BBX: variants seen among roughly 807,000 people sequenced by gnomAD.
The protein encoded by BBX is HMG box transcription factor BBX.
BBX carries 30 observed loss-of-function variants against 100.2 expected under a neutral mutation model. The ratio of observed to expected loss-of-function variants is 0.30; its 90% confidence interval spans 0.22 to 0.41. The LOEUF (loss-of-function observed/expected upper bound fraction) is 0.41, where lower values mean the gene tolerates loss of function less well. Among genes scored for constraint, BBX ranks in the 10% least tolerant of loss-of-function variants. BBX has a pLI of 1.00. For synonymous variants in BBX, 376 were observed against 388.1 expected (o/e 0.97, Z 0.37); for missense variants, 1,023 against 1,129.8 (o/e 0.91, Z 1.35).
chr3:107,705,423 A>G (rs2061336731), intron 3 of BBX, among the ~76,000 whole-genome samples: 1 of 152,220 alleles, frequency 6.6e-6, no homozygotes, highest in South Asian at 2.1e-4. Flanking sequence ...CTGATTGCCT[A>G]AATTGTAAGA....
At chr3:107,531,049 A>G (rs2048126696) in intron 2 of BBX, among the ~76,000 whole-genome samples, 1 of 152,232 alleles carries the variant, frequency 6.6e-6, no homozygotes, top group African/African-American at 2.4e-5. Flanking sequence ...TAGCACATGT[A>G]GCAGGTGATT....
At chr3:107,792,507 A>C (rs760298889) in intron 15 of BBX, among the ~76,000 whole-genome samples, 2 of 152,254 alleles carry the variant, frequency 1.3e-5, no homozygotes, top group South Asian at 4.1e-4. Context: ...CATGTTAAAC[A>C]TAAGTATTTT....
At chr3:107,679,124 A>G (rs184818803) in intron 3 of BBX, among the ~76,000 whole-genome samples, 2 of 150,046 alleles carry the variant, frequency 1.3e-5, no homozygotes, top group East Asian at 3.9e-4. Context: ...TTTCAAAGTC[A>G]TATTTAAGGG....
At chr3:107,705,818 G>A (rs1490715122) in intron 3 of BBX, among the ~76,000 whole-genome samples, 2 of 152,124 alleles carry the variant, frequency 1.3e-5, no homozygotes, top group African/African-American at 4.8e-5. Context: ...GGAAAGATCA[G>A]CACAAGTATT....
At chr3:107,684,764 C>T (rs1199199526) in intron 3 of BBX, 1 of 152,134 alleles carries the variant, frequency 6.6e-6, no homozygotes, top group Non-Finnish European at 1.5e-5. Flanking sequence ...GGAATTTGTT[C>T]AGGAAGAGTA....
rs1298467793 is a variant in BBX, at chr3:107,634,212, G to A, written c.-83-11624G>A. Among the ~76,000 whole-genome samples the A allele has an allele frequency of 5.3e-5, 8 of 152,108 alleles. No individual in the cohort carries two copies. In the East Asian group the frequency reaches 7.7e-4, roughly 15 times the overall value. ...TGTGGGTATGCTTACATGCCACCTC[G>A]TCTTATTACTCTACCATTGGATTTT... On this transcript the variant is annotated intron_variant, in intron 2 of 17. Transcript: ENST00000325805.
At chr3:107,639,712 C>T (rs1036972761) in intron 2 of BBX, among the ~76,000 whole-genome samples, 7 of 152,122 alleles carry the variant, frequency 4.6e-5, no homozygotes, top group African/African-American at 1.7e-4. Flanking sequence ...ACCATGGTCC[C>T]TGCAGCAAAA....
intron 10 of BBX, 114 bp downstream of exon 10, chr3:107,755,792 A>G: frequency 1.1e-6 from 1 of 888,738 alleles, no homozygotes; most frequent in Admixed American, 2.4e-5. Context: ...AATGAGTTAC[A>G]TCTAATTTTC....
chr3:107,621,972 T>A (rs1278583389), intron 2 of BBX, among the ~76,000 whole-genome samples: 1 of 152,204 alleles, frequency 6.6e-6, no homozygotes, highest in Non-Finnish European at 1.5e-5. Context: ...TAATACTGGC[T>A]TTTTGTGTGT....
intron 15 of BBX, among the ~76,000 whole-genome samples, chr3:107,793,642 T>C (rs993370000): frequency 6.6e-6 from 1 of 152,186 alleles, no homozygotes; most frequent in African/African-American, 2.4e-5. Flanking sequence ...ACAGAAAATA[T>C]AGCAATAATA....
intron 2 of BBX, among the ~76,000 whole-genome samples, chr3:107,586,457 C>G (rs1161670375): frequency 6.6e-6 from 1 of 152,070 alleles, no homozygotes; most frequent in Non-Finnish European, 1.5e-5. Flanking sequence ...GTGAATTAAA[C>G]AATTTTAATG....
At chr3:107,632,958 A>G (rs912926309) in intron 2 of BBX, among the ~76,000 whole-genome samples, 1 of 152,236 alleles carries the variant, frequency 6.6e-6, no homozygotes, top group Non-Finnish European at 1.5e-5. Flanking sequence ...ATTAAAAAAC[A>G]ACGACAACCA....
At chr3:107,664,883 C>G (rs2058659349) in intron 3 of BBX, among the ~76,000 whole-genome samples, 1 of 152,156 alleles carries the variant, frequency 6.6e-6, no homozygotes, top group Non-Finnish European at 1.5e-5. Context: ...TGCAAAAGTT[C>G]CAAAAGCTTG....
chr3:107,655,918 T>C (rs1181017605), intron 3 of BBX, among the ~76,000 whole-genome samples: 2 of 152,080 alleles, frequency 1.3e-5, no homozygotes, highest in Non-Finnish European at 2.9e-5. Flanking sequence ...GCCAGGATGG[T>C]CTCGATCTCC....
At chr3:107,691,400 A>T (rs76857175) in intron 3 of BBX, among the ~76,000 whole-genome samples, 1,546 of 152,300 alleles carry the variant, frequency 0.01, 19 homozygotes, top group African/African-American at 0.035. Context: ...CTAAACACAT[A>T]AAAGGAATAT....
At chr3:107,680,314 C>T (rs2040548487) in intron 3 of BBX, among the ~76,000 whole-genome samples, 2 of 152,110 alleles carry the variant, frequency 1.3e-5, no homozygotes, top group African/African-American at 2.4e-5. Flanking sequence ...TCTTTATCAC[C>T]GCTTACGAGT....
At chr3:107,784,100 T>C (rs9834673) in intron 13 of BBX, among the ~76,000 whole-genome samples, 66,368 of 151,880 alleles carry the variant, frequency 0.44, 15,953 homozygotes, top group East Asian at 0.93. Context: ...ATTGTAGGCA[T>C]TTAGATTATA....
chr3:107,655,821 C>T (rs1235045099), intron 3 of BBX, among the ~76,000 whole-genome samples: 1 of 152,028 alleles, frequency 6.6e-6, no homozygotes, highest in African/African-American at 2.4e-5. Flanking sequence ...CTGCCTCAGC[C>T]TCCCAAGTAG....
chr3:107,576,672 A>G (rs755629977), intron 2 of BBX, among the ~76,000 whole-genome samples: 9 of 152,040 alleles, frequency 5.9e-5, no homozygotes, highest in Non-Finnish European at 1.3e-4. Flanking sequence ...TTGACACTCA[A>G]TATTTTTTAG....
Sources: allele counts gnomAD v4.1 joint callset (sites outside exome capture counted in the v4.1 genomes callset), GRCh38; gene constraint gnomAD v4.1.1; transcripts MANE v1.5; gene names NCBI Gene and HGNC (gene_info 2026-07-23, HGNC 2026-07-21).